The following DLG2 variants were observed in gnomAD, a reference collection of about 807,000 sequenced individuals.
DLG2 encodes the protein discs large MAGUK scaffold protein 2, also known as disks large homolog 2.
A neutral mutation model predicts 132.5 loss-of-function variants in DLG2; 45 were observed. The observed-to-expected ratio is 0.34, with a 90% CI of 0.27 to 0.44. The LOEUF is 0.44. Among genes scored for constraint, DLG2 ranks in the 20% least tolerant of loss-of-function variants. The pLI is 1.00. For missense variants in DLG2, 1,045 were observed against 1,196.9 expected, an observed-to-expected ratio of 0.87 and a Z score of 1.87; for synonymous variants, 424 against 419.6, an observed-to-expected ratio of 1.01 and a Z score of -0.13.
At chr11:84,321,136 C>A (rs2098402169) in intron 7 of DLG2, among the ~76,000 whole-genome samples, 1 of 152,136 alleles carries the variant, frequency 6.6e-6, no homozygotes, top group African/African-American at 2.4e-5. Flanking sequence ...CTTTTCAGAT[C>A]CCCTTGGCAA....
chr11:83,735,987 C>G (rs1160870601), intron 18 of DLG2, among the ~76,000 whole-genome samples: 1 of 152,202 alleles, frequency 6.6e-6, no homozygotes, highest in Non-Finnish European at 1.5e-5. Context: ...GCAGAGGCCT[C>G]ATAAATGTGT....
chr11:85,100,154 A>C (rs1396938769), intron 6 of DLG2, among the ~76,000 whole-genome samples: 1 of 152,184 alleles, frequency 6.6e-6, no homozygotes, highest in African/African-American at 2.4e-5. Context: ...GTTATATCTT[A>C]CACTATCTGA....
At chr11:85,389,367 C>T (rs750863875) in intron 3 of DLG2, among the ~76,000 whole-genome samples, 13 of 152,032 alleles carry the variant, frequency 8.6e-5, no homozygotes, top group Admixed American at 2.0e-4. Flanking sequence ...TTATGTGAAA[C>T]GACCAAACCT....
chr11:85,121,104 G>A (rs890691859), intron 5 of DLG2, among the ~76,000 whole-genome samples: 1 of 151,876 alleles, frequency 6.6e-6, no homozygotes, highest in Non-Finnish European at 1.5e-5. Context: ...GCCATTTAAT[G>A]ATACTGATAC....
At chr11:83,999,462 A>G (rs1047127181) in intron 11 of DLG2, among the ~76,000 whole-genome samples, 6 of 152,064 alleles carry the variant, frequency 3.9e-5, no homozygotes, top group African/African-American at 1.4e-4. Flanking sequence ...TGTCCATGCC[A>G]TGCCAAGTTC....
intron 6 of DLG2, among the ~76,000 whole-genome samples, chr11:84,626,757 G>A (rs1450280810): frequency 4.6e-5 from 7 of 152,010 alleles, no homozygotes; most frequent in Admixed American, 4.6e-4. Flanking sequence ...ACGGCCCAAG[G>A]TTTTCTAAGC....
At chr11:84,280,885 T>A (rs989483230) in intron 7 of DLG2, among the ~76,000 whole-genome samples, 1 of 143,678 alleles carries the variant, frequency 7.0e-6, no homozygotes, top group African/African-American at 2.6e-5. Flanking sequence ...TTTTTTTTTT[T>A]TTTTTTTTTG....
chr11:85,593,212 A>G (rs2079488295), intron 3 of DLG2, among the ~76,000 whole-genome samples: 1 of 152,218 alleles, frequency 6.6e-6, no homozygotes, highest in South Asian at 2.1e-4. Flanking sequence ...ATAAAACACA[A>G]GAAGGAAAAA....
intron 16 of DLG2, among the ~76,000 whole-genome samples, chr11:83,873,218 C>G (rs1188403061): frequency 6.6e-6 from 1 of 152,136 alleles, no homozygotes. Context: ...TACTTAAACT[C>G]TCTGAGAATC....
intron 18 of DLG2, among the ~76,000 whole-genome samples, chr11:83,639,007 A>G (rs1464501952): frequency 6.6e-6 from 1 of 152,234 alleles, no homozygotes; most frequent in Non-Finnish European, 1.5e-5. Context: ...TACCATTCAC[A>G]CAGAAAAGGA....
chr11:85,325,184 G>C (rs2081369753), intron 3 of DLG2, among the ~76,000 whole-genome samples: 1 of 147,800 alleles, frequency 6.8e-6, no homozygotes, highest in Admixed American at 6.7e-5. Flanking sequence ...AGGCGGCAAC[G>C]AGGCTGGGGG....
intron 4 of DLG2, among the ~76,000 whole-genome samples, chr11:85,160,941 G>C (rs78297352): frequency 0.055 from 8,328 of 152,232 alleles, 331 homozygotes; most frequent in African/African-American, 0.11. Flanking sequence ...AGTTCAAGCA[G>C]TGTACCTCGT....
At chr11:84,539,622 G>T (rs1057176096) in intron 6 of DLG2, among the ~76,000 whole-genome samples, 1 of 152,172 alleles carries the variant, frequency 6.6e-6, no homozygotes, top group Admixed American at 6.5e-5. Context: ...GCTTGATGGG[G>T]ATGGCACTGA....
In DLG2 at chr11:83,501,351, T is replaced by C. The variant is rs74570192; in HGVS notation, c.2194-17123A>G. On this transcript the variant is annotated intron_variant, in intron 21 of 27. Transcript: ENST00000376104. ...CTGGCAGGAAAAGCTCTAGGGTCCA[T>C]AGATGGAAGTCCGACTAACTGATCA... 8.6e-3 allele frequency among the ~76,000 whole-genome samples: 1,307 copies of C among 152,144 alleles called. 20 individuals are homozygous for C. Among genetic ancestry groups the C allele is most frequent in the African/African-American group, 0.03 (1,250 of 41,512 alleles).
chr11:85,516,327 T>G (rs907346686), intron 3 of DLG2, among the ~76,000 whole-genome samples: 2 of 151,792 alleles, frequency 1.3e-5, no homozygotes, highest in African/African-American at 4.8e-5. Flanking sequence ...AGCAATAAAT[T>G]TATACATCCA....
intron 5 of DLG2, among the ~76,000 whole-genome samples, chr11:85,140,534 C>A (rs962802502): frequency 6.6e-5 from 10 of 151,524 alleles, no homozygotes; most frequent in African/African-American, 2.4e-4. Context: ...ATCAGGGTAA[C>A]TGGGATATCC....
At chr11:85,154,745 G>T in intron 4 of DLG2, 94 bp from the exon 5 acceptor site, 2 of 617,700 alleles carry the variant, frequency 3.2e-6, no homozygotes, top group Non-Finnish European at 5.4e-6. Flanking sequence ...AAATATCTAA[G>T]GCCTGAATAA....
At position 84,863,195 on chromosome 11, in the gene DLG2, C is replaced by T. The variant is rs1422253056; in HGVS notation, c.357+248466G>A. On this transcript the variant is annotated intron_variant, in intron 6 of 27. Transcript: ENST00000376104. ...TATGCGGCTGCAAAAGTTCACAATT[C>T]CAGTTTTAAAAGCCTGCAGTCTAAT... 2.6e-5 allele frequency among the ~76,000 whole-genome samples: 4 copies of T among 152,108 alleles called. No individual in the cohort carries two copies. In the East Asian group the frequency reaches 7.8e-4, roughly 30 times the overall value.
chr11:84,019,826 T>C (rs527977678), intron 11 of DLG2, among the ~76,000 whole-genome samples: 28 of 152,270 alleles, frequency 1.8e-4, no homozygotes, highest in African/African-American at 6.0e-4. Context: ...ACAGATTCTC[T>C]CTCACAGTCT....
Sources: allele counts gnomAD v4.1 joint callset (sites outside exome capture counted in the v4.1 genomes callset), GRCh38; gene constraint gnomAD v4.1.1; transcripts MANE v1.5; gene names NCBI Gene and HGNC (gene_info 2026-07-23, HGNC 2026-07-21).